TXNRD2: variants seen among roughly 807,000 people sequenced by gnomAD.
TXNRD2 encodes thioredoxin reductase 2, mitochondrial.
A neutral mutation model predicts 70.8 loss-of-function variants in TXNRD2; 67 were observed. The observed-to-expected ratio is 0.95, with a 90% CI of 0.78 to 1.16. The LOEUF is 1.16. Ranked by LOEUF, TXNRD2 falls within the 50% of genes most tolerant of loss-of-function variation. The pLI is 0.00. For synonymous variants in TXNRD2, 301 were observed against 295.8 expected (o/e 1.02, Z -0.18); for missense variants, 644 against 719.9 (o/e 0.89, Z 1.21).
intron 2 of TXNRD2, among the ~76,000 whole-genome samples, chr22:19,927,651 CA>C (rs149665821): frequency 0.28 from 19,148 of 68,592 alleles, 488 homozygotes; most frequent in Non-Finnish European, 0.29. Context: ...GACCTTGTCT[CA>C]AAAAAAAAAA....
At chr22:19,876,731 C>T (rs1016135181) in intron 17 of TXNRD2, 2 of 172,096 alleles carry the variant, frequency 1.2e-5, no homozygotes, top group Non-Finnish European at 2.5e-5. Context: ...TTAGCCCACC[C>T]GGGACACCTT....
intron 9 of TXNRD2, among the ~76,000 whole-genome samples, 156 bp downstream of exon 9, chr22:19,898,893 T>C (rs1292173770): frequency 3.3e-5 from 5 of 152,146 alleles, no homozygotes; most frequent in Admixed American, 6.5e-5. Context: ...AGCCTCAAAC[T>C]GTCCCCAGGC....
chr22:19,888,358 C>T (rs772939771), intron 11 of TXNRD2, among the ~76,000 whole-genome samples: 2 of 152,224 alleles, frequency 1.3e-5, no homozygotes, highest in Non-Finnish European at 2.9e-5. Context: ...GCCCAAAAAC[C>T]ACCCACACAG....
chr22:19,922,849 G>A lies in TXNRD2; in HGVS notation c.173-3250C>T, dbSNP rs185523629. ...TTACAGGTGCGCACCACCATGCCCG[G>A]CCAATTTTTTTGTATTTTTAGTAGA... is the stretch of plus-strand genomic sequence containing the variant. On this transcript the variant is annotated intron_variant, in intron 2 of 17. Coordinates refer to ENST00000400521, the MANE Select transcript of TXNRD2 (RefSeq NM_006440.5). 4.6e-5 allele frequency among the ~76,000 whole-genome samples: 7 copies of A among 152,204 alleles called. No homozygotes were observed. In the East Asian group the frequency reaches 9.6e-4, roughly 21 times the overall value.
intron 1 of TXNRD2, among the ~76,000 whole-genome samples, chr22:19,934,861 C>T (rs903494949): frequency 7.2e-5 from 11 of 152,112 alleles, no homozygotes; most frequent in African/African-American, 2.7e-4. Context: ...CGCGCCTGGG[C>T]CCCCAAGTAA....
intron 16 of TXNRD2, among the ~76,000 whole-genome samples, chr22:19,877,486 G>C (rs1938563325): frequency 6.6e-6 from 1 of 152,114 alleles, no homozygotes. Context: ...GCTTCCTGCT[G>C]TTCCATCCTC....
At chr22:19,925,904 C>T (rs1437055556) in intron 2 of TXNRD2, among the ~76,000 whole-genome samples, 4 of 152,130 alleles carry the variant, frequency 2.6e-5, no homozygotes, top group Admixed American at 6.5e-5. Context: ...TGGTGGCTCA[C>T]GCCTGTAATC....
chr22:19,930,625 C>T (rs901833610), intron 2 of TXNRD2, among the ~76,000 whole-genome samples: 7 of 152,138 alleles, frequency 4.6e-5, no homozygotes, highest in Non-Finnish European at 8.8e-5. Flanking sequence ...GCTCCAGCCT[C>T]GCAGCTAGCC....
At chr22:19,880,813 C>T in intron 12 of TXNRD2, 96 bp from the exon 13 acceptor site, 1 of 831,868 alleles carries the variant, frequency 1.2e-6, no homozygotes, top group Non-Finnish European at 2.0e-6. Context: ...GGGCATCTCC[C>T]TTTAGAAAAT....
rs745412645 is a variant in TXNRD2 at position 19,877,080 on chromosome 22, G to A, written c.*25C>T. On this transcript the variant is annotated 3_prime_UTR_variant, in exon 17 of 18. Coordinates refer to ENST00000400521, the MANE Select transcript of TXNRD2 (RefSeq NM_006440.5). ...GAGGAGCTGGCGGCGGGCGCACCGT[G>A]TGCCCTGGCCTGCAGGGATGGCGCT... The A allele has an allele frequency of 6.3e-7, 1 of 1,581,096 alleles. No individual in the cohort carries two copies.
intron 3 of TXNRD2, 135 bp downstream of exon 3, chr22:19,919,408 T>C (rs1940796780): frequency 1.2e-6 from 1 of 824,214 alleles, no homozygotes; most frequent in African/African-American, 1.7e-5. Flanking sequence ...TAATGATGAG[T>C]GAAACAGGAC....
intron 11 of TXNRD2, among the ~76,000 whole-genome samples, chr22:19,888,530 G>T (rs1462403494): frequency 6.6e-6 from 1 of 152,246 alleles, no homozygotes; most frequent in African/African-American, 2.4e-5. Context: ...AGAGCAAGGA[G>T]GCAGCGCCCC....
At chr22:19,918,334 C>G in intron 4 of TXNRD2, 117 bp from the exon 5 acceptor site, 1 of 1,005,328 alleles carries the variant, frequency 9.9e-7, no homozygotes, top group Non-Finnish European at 1.5e-6. Flanking sequence ...AACAAGAGTG[C>G]TTTTAAAGGT....
intron 11 of TXNRD2, chr22:19,895,181 A>T: frequency 6.3e-7 from 1 of 1,598,328 alleles, no homozygotes; most frequent in South Asian, 1.1e-5. Flanking sequence ...TGGTGGGGAG[A>T]CACGCAGAGA....
chr22:19,934,191 C>T (rs754006832), intron 1 of TXNRD2, among the ~76,000 whole-genome samples: 17 of 152,066 alleles, frequency 1.1e-4, no homozygotes, highest in Admixed American at 5.9e-4. Flanking sequence ...GGGGCTGCAT[C>T]GCCCACCCAC....
At chr22:19,909,776 A>ACT (rs1569093520) in intron 8 of TXNRD2, among the ~76,000 whole-genome samples, 4 of 125,052 alleles carry the variant, frequency 3.2e-5, no homozygotes, top group South Asian at 2.6e-4. Context: ...CACACACACC[A>ACT]CACACACCAC....
intron 5 of TXNRD2, among the ~76,000 whole-genome samples, chr22:19,917,938 G>A (rs1041212729): frequency 1.3e-5 from 2 of 152,166 alleles, no homozygotes; most frequent in Admixed American, 1.3e-4. Context: ...GCACCTCCAG[G>A]CTCTGCTCAG....
At chr22:19,923,776 TG>T (rs918593857) in intron 2 of TXNRD2, among the ~76,000 whole-genome samples, 2 of 148,220 alleles carry the variant, frequency 1.3e-5, no homozygotes, top group African/African-American at 5.0e-5. Flanking sequence ...CACTCAAGCC[TG>T]GGCAACAAGA....
At chr22:19,918,518 G>C (rs566495558) in intron 4 of TXNRD2, among the ~76,000 whole-genome samples, 4 of 152,246 alleles carry the variant, frequency 2.6e-5, no homozygotes, top group African/African-American at 9.6e-5. Context: ...ATGTGGGTGT[G>C]GCTGGGCCAC....
Sources: allele counts gnomAD v4.1 joint callset (sites outside exome capture counted in the v4.1 genomes callset), GRCh38; gene constraint gnomAD v4.1.1; transcripts MANE v1.5; gene names NCBI Gene and HGNC (gene_info 2026-07-23, HGNC 2026-07-21).